Variants in WDR72 observed in about 807,000 individuals in gnomAD.
The protein encoded by WDR72 is WD repeat domain 72.
In WDR72, 120 loss-of-function variants were observed where a neutral mutation model predicts 124.2. The observed-to-expected ratio is 0.97, with a 90% CI of 0.83 to 1.12. The LOEUF is 1.12. Ranked by LOEUF, WDR72 falls within the 50% of genes most tolerant of loss-of-function variation. The pLI, the probability that WDR72 is intolerant of heterozygous loss-of-function variation, is 0.00. For synonymous variants in WDR72, 452 were observed against 441.7 expected (o/e 1.02, Z -0.29); for missense variants, 1,387 against 1,278.8 (o/e 1.08, Z -1.29).
intron 14 of WDR72, among the ~76,000 whole-genome samples, chr15:53,643,224 T>C (rs980035110): frequency 7.9e-5 from 12 of 152,188 alleles, no homozygotes; most frequent in Admixed American, 7.9e-4. Flanking sequence ...GATACAGATA[T>C]TGACTTAAGA....
intron 18 of WDR72, among the ~76,000 whole-genome samples, chr15:53,584,275 G>A (rs984948949): frequency 3.9e-5 from 6 of 151,972 alleles, no homozygotes; most frequent in Non-Finnish European, 7.4e-5. Flanking sequence ...CATAAAGAAA[G>A]AGAAATAACC....
At chr15:53,622,652 C>T (rs1219021504) in intron 14 of WDR72, among the ~76,000 whole-genome samples, 3 of 152,000 alleles carry the variant, frequency 2.0e-5, no homozygotes, top group East Asian at 3.9e-4. Context: ...GGGAGAGCAT[C>T]AGGATAAATA....
intron 16 of WDR72, among the ~76,000 whole-genome samples, chr15:53,612,813 G>A (rs1489011976): frequency 6.6e-6 from 1 of 152,014 alleles, no homozygotes; most frequent in Non-Finnish European, 1.5e-5. Flanking sequence ...TGGGAACAGA[G>A]TGCAGGAGTC....
chr15:53,531,546 G>A (rs541143794), intron 18 of WDR72, among the ~76,000 whole-genome samples: 6 of 152,174 alleles, frequency 3.9e-5, no homozygotes, highest in African/African-American at 1.4e-4. Flanking sequence ...GATGGTTGCT[G>A]AAAATATGGA....
intron 18 of WDR72, among the ~76,000 whole-genome samples, chr15:53,529,198 T>A (rs1334144001): frequency 2.1e-5 from 3 of 143,908 alleles, no homozygotes; most frequent in Non-Finnish European, 4.5e-5. Flanking sequence ...ATATAAAAAA[T>A]TTCATTAAAG....
chr15:53,655,789 T>A (rs1051023536), intron 14 of WDR72, among the ~76,000 whole-genome samples: 2 of 151,882 alleles, frequency 1.3e-5, no homozygotes, highest in Admixed American at 6.6e-5. Flanking sequence ...GCCTCCCAGG[T>A]TCAAGCAATT....
chr15:53,684,430 G>C (rs1239729395), intron 13 of WDR72: 1 of 154,720 alleles, frequency 6.5e-6, no homozygotes, highest in East Asian at 1.9e-4. Context: ...CCCTTTCTGA[G>C]TCAAAGAAAG....
chr15:53,705,211 C>A lies in WDR72; in HGVS notation c.1125G>T (p.Trp375Cys). 6.2e-7 allele frequency: 1 copy of A among 1,613,452 alleles called. No homozygotes were observed. The highest frequency in any genetic ancestry group is 8.5e-7 in the Non-Finnish European group (1 of 1,179,958). Residue 375 changes from tryptophan to cysteine, a missense_variant, in exon 11 of 20, where the codon TGG (tryptophan) becomes TGT (cysteine). Physicochemically the swap from Trp to Cys is radical, Grantham distance 215. Coordinates refer to ENST00000360509, the MANE Select transcript of WDR72 (RefSeq NM_182758.4). Reference protein sequence around the residue: ...SPREIPVTATWTLQDNFDKHD... With the variant: ...SPREIPVTATCTLQDNFDKHD... Reference sequence around the variant, plus strand: ...GCTTATCAAAATTATCTTGAAGAGTCCAGGTGGCAGTTACTGGTATCTCTA... The same window carrying A: ...GCTTATCAAAATTATCTTGAAGAGTACAGGTGGCAGTTACTGGTATCTCTA...
Position 53,514,611 on chromosome 15 carries a change from C to A in WDR72, c.*3088G>T, listed in dbSNP as rs1023162584. 6.6e-6 allele frequency: 1 copy of A among 152,030 alleles called. No homozygotes were observed. Among genetic ancestry groups the A allele is most frequent in the African/African-American group, 2.4e-5 (1 of 41,386 alleles). 9.4% of individuals were successfully genotyped at this position (152,030 alleles called of 1,614,324 possible). A position where few individuals can be genotyped will look rare whatever the true frequency, so the allele number is the denominator to read the frequency against. On this transcript the variant is annotated 3_prime_UTR_variant, in exon 20 of 20. Transcript: ENST00000360509. ...TAATATTTAACAAACTGTATTCTAC[C>A]ATTTTTCTAATACCATCATGTTCAA...
At chr15:53,715,152 A>G in intron 5 of WDR72, 41 bp downstream of exon 5, 1 of 1,594,160 alleles carries the variant, frequency 6.3e-7, no homozygotes, top group Non-Finnish European at 8.6e-7. Flanking sequence ...AGATATTTTT[A>G]TATGCAATCT....
chr15:53,602,225 C>T (rs1315383807), intron 17 of WDR72, among the ~76,000 whole-genome samples: 1 of 152,086 alleles, frequency 6.6e-6, no homozygotes, highest in East Asian at 1.9e-4. Flanking sequence ...GAATAACCTA[C>T]TCCTGAATGA....
At chr15:53,649,635 A>G (rs2015161842) in intron 14 of WDR72, among the ~76,000 whole-genome samples, 2 of 152,160 alleles carry the variant, frequency 1.3e-5, no homozygotes, top group Admixed American at 1.3e-4. Context: ...TTGAATAGAC[A>G]TTTCTCCAAA....
At chr15:53,619,823 G>A (rs1192693253) in intron 14 of WDR72, among the ~76,000 whole-genome samples, 3 of 151,892 alleles carry the variant, frequency 2.0e-5, no homozygotes, top group African/African-American at 7.3e-5. Flanking sequence ...TAAATTTCTT[G>A]TTAATTCTAA....
chr15:53,629,515 G>T (rs1037117936), intron 14 of WDR72, among the ~76,000 whole-genome samples: 1 of 151,842 alleles, frequency 6.6e-6, no homozygotes, highest in Non-Finnish European at 1.5e-5. Context: ...AAAAGAGAAA[G>T]AAAGTTTTTA....
chr15:53,618,744 T>G (rs925466107), intron 14 of WDR72, among the ~76,000 whole-genome samples: 1 of 151,990 alleles, frequency 6.6e-6, no homozygotes, highest in African/African-American at 2.4e-5. Flanking sequence ...CTTCTAGGTG[T>G]GGATGTTTTC....
chr15:53,582,281 G>A (rs145399265), intron 18 of WDR72, among the ~76,000 whole-genome samples: 27 of 152,066 alleles, frequency 1.8e-4, no homozygotes, highest in African/African-American at 6.5e-4. Flanking sequence ...GTTCTGTAAT[G>A]GTGTTACAGG....
At chr15:53,726,256 GTA>G (rs140662577) in intron 2 of WDR72, among the ~76,000 whole-genome samples, 35,866 of 105,388 alleles carry the variant, frequency 0.34, 6,176 homozygotes, top group East Asian at 0.46. Context: ...ATATATATAT[GTA>G]TGTGTGTATA....
At chr15:53,603,859 C>G (rs1261635106) in intron 17 of WDR72, among the ~76,000 whole-genome samples, 1 of 152,136 alleles carries the variant, frequency 6.6e-6, no homozygotes, top group African/African-American at 2.4e-5. Context: ...AAAAACATTC[C>G]ATGTTCATGA....
intron 1 of WDR72, among the ~76,000 whole-genome samples, chr15:53,738,019 T>C (rs1003972026): frequency 6.6e-6 from 1 of 152,024 alleles, no homozygotes; most frequent in Non-Finnish European, 1.5e-5. Context: ...AACATATGCA[T>C]AACACAAAAG....
Sources: allele counts gnomAD v4.1 joint callset (sites outside exome capture counted in the v4.1 genomes callset), GRCh38; gene constraint gnomAD v4.1.1; transcripts MANE v1.5; gene names NCBI Gene and HGNC (gene_info 2026-07-23, HGNC 2026-07-21).